The following SLC14A2 variants were observed in gnomAD, a reference collection of about 807,000 sequenced individuals.
The protein encoded by SLC14A2 is solute carrier family 14 member 2, also known as urea transporter 2.
SLC14A2 carries 91 observed loss-of-function variants against 104.6 expected under a neutral mutation model. The ratio of observed to expected loss-of-function variants is 0.87; its 90% CI spans 0.73 to 1.04. The LOEUF is 1.04. Among genes scored for constraint, SLC14A2 ranks in the 50% least tolerant of loss-of-function variants. SLC14A2 has a pLI of 0.00. For missense variants in SLC14A2, 1,189 were observed against 1,156.0 expected (o/e 1.03, Z -0.41); for synonymous variants, 476 against 466.4 (o/e 1.02, Z -0.27).
intron 1 of SLC14A2, among the ~76,000 whole-genome samples, chr18:45,316,873 C>G (rs2085134655): frequency 6.6e-6 from 1 of 152,194 alleles, no homozygotes. Context: ...TCTCTGTGCT[C>G]TCCTCCCAAG....
At chr18:45,529,482 C>G (rs2043648398) in intron 2 of SLC14A2, 1 of 132,438 alleles carries the variant, frequency 7.6e-6, no homozygotes, top group African/African-American at 3.3e-5. Flanking sequence ...TCTTCCATTT[C>G]TTTGGCACTG....
intron 1 of SLC14A2, among the ~76,000 whole-genome samples, chr18:45,239,123 C>T (rs2084285501): frequency 6.6e-6 from 1 of 152,146 alleles, no homozygotes; most frequent in Non-Finnish European, 1.5e-5. Context: ...TAGAGTAATA[C>T]CTGCTAGTGA....
At chr18:45,597,404 A>G (rs2044730703) in intron 2 of SLC14A2, among the ~76,000 whole-genome samples, 1 of 152,190 alleles carries the variant, frequency 6.6e-6, no homozygotes, top group African/African-American at 2.4e-5. Flanking sequence ...CATTCAGTAA[A>G]TATTATTTGA....
chr18:45,669,053 T>C (rs957365940), intron 15 of SLC14A2, among the ~76,000 whole-genome samples: 2 of 152,240 alleles, frequency 1.3e-5, no homozygotes, highest in Admixed American at 6.5e-5. Context: ...GATGGAGCTA[T>C]AGGATTCCTG....
At chr18:45,501,384 G>A (rs1205732129) in intron 2 of SLC14A2, among the ~76,000 whole-genome samples, 1 of 152,216 alleles carries the variant, frequency 6.6e-6, no homozygotes, top group African/African-American at 2.4e-5. Flanking sequence ...CCACTTACCA[G>A]CTTTGTGGAC....
In SLC14A2 at chr18:45,643,142, T is replaced by C. The variant is rs139897169; in HGVS notation, c.1137T>C (p.Cys379=). The change falls in exon 9 of 20, where the codon TGT becomes TGC. Residue 379 remains cysteine, a synonymous_variant. Coordinates refer to ENST00000255226, the MANE Select transcript of SLC14A2 (RefSeq NM_007163.4). ...CTTGTTCCTCCACAGCCCTGTTCTG[T>C]GCATACATGGAAGCAGCCATCTCCA... ...HLLALICALF[C]AYMEAAISNI... is the part of the protein sequence containing the mutation. 9 of 1,614,184 alleles carry C rather than the reference T, an allele frequency of 5.6e-6. No homozygotes were observed. Among genetic ancestry groups the C allele is most frequent in the Non-Finnish European group, 6.8e-6 (8 of 1,180,018 alleles).
intron 1 of SLC14A2, among the ~76,000 whole-genome samples, chr18:45,276,933 C>T (rs989304477): frequency 2.0e-5 from 3 of 152,210 alleles, no homozygotes; most frequent in Non-Finnish European, 4.4e-5. Context: ...ACCAATCTCT[C>T]TTTATTGATG....
chr18:45,421,228 C>T (rs1181324123), intron 1 of SLC14A2, among the ~76,000 whole-genome samples: 1 of 151,414 alleles, frequency 6.6e-6, no homozygotes, highest in Admixed American at 6.6e-5. Context: ...TTAGAGTTGT[C>T]CCACCCACAT....
the SLC14A2 span, among the ~76,000 whole-genome samples, chr18:45,179,334 C>T: frequency 2.6e-5 from 4 of 152,304 alleles, no homozygotes; most frequent in Admixed American, 6.5e-5. Flanking sequence ...CCCTCTCTCC[C>T]ATCAGCCCAT....
At chr18:45,288,619 A>T (rs1457779375) in intron 1 of SLC14A2, among the ~76,000 whole-genome samples, 1 of 152,192 alleles carries the variant, frequency 6.6e-6, no homozygotes, top group Non-Finnish European at 1.5e-5. Context: ...AAGATTCAGG[A>T]GGCTAAAACC....
intron 1 of SLC14A2, among the ~76,000 whole-genome samples, chr18:45,298,359 G>A (rs1412372760): frequency 1.3e-5 from 2 of 152,152 alleles, no homozygotes; most frequent in African/African-American, 4.8e-5. Context: ...TTGCTTGCTT[G>A]TTTCCCCTTT....
rs530684553 is a variant in SLC14A2 at position 45,490,039 on chromosome 18, G to A, written c.-35+6717G>A. 4 of 152,288 alleles carry A rather than the reference G, an allele frequency of 2.6e-5. No homozygotes were observed. In the South Asian group the frequency reaches 8.3e-4, roughly 32 times the overall value. 9.4% of individuals were successfully genotyped at this position (152,288 alleles called of 1,614,324 possible). A position where few individuals can be genotyped will look rare whatever the true frequency, so the allele number is the denominator to read the frequency against. On this transcript the variant is annotated intron_variant, in intron 2 of 20. Coordinates refer to the SLC14A2 transcript ENST00000586448. Reference sequence around the variant, plus strand: ...TCAAGGCTGGAAACTAGATCTTTGAGGGCAGTAGCCTTCAGAATAGGAATG... The same window carrying A: ...TCAAGGCTGGAAACTAGATCTTTGAAGGCAGTAGCCTTCAGAATAGGAATG...
At chr18:45,500,239 A>G (rs1412187871) in intron 2 of SLC14A2, among the ~76,000 whole-genome samples, 1 of 152,172 alleles carries the variant, frequency 6.6e-6, no homozygotes, top group Non-Finnish European at 1.5e-5. Context: ...TCTCTCTGGC[A>G]TGCTGGGTTG....
chr18:45,436,205 T>C (rs911532916), intron 1 of SLC14A2, among the ~76,000 whole-genome samples: 3 of 152,210 alleles, frequency 2.0e-5, no homozygotes, highest in African/African-American at 7.2e-5. Flanking sequence ...TTACGTTGTT[T>C]ATGTTAAAAA....
chr18:45,399,401 T>G (rs976729379), intron 1 of SLC14A2, among the ~76,000 whole-genome samples: 1 of 152,208 alleles, frequency 6.6e-6, no homozygotes, highest in Non-Finnish European at 1.5e-5. Context: ...TTGAAGCCAC[T>G]GCCACACTTC....
intron 1 of SLC14A2, among the ~76,000 whole-genome samples, chr18:45,426,573 CAT>C (rs1270282947): frequency 4.7e-5 from 7 of 149,194 alleles, no homozygotes; most frequent in Non-Finnish European, 8.9e-5. Flanking sequence ...TGTATACACA[CAT>C]ATATATAGTA....
chr18:45,562,505 T>C (rs2044214693), intron 2 of SLC14A2, among the ~76,000 whole-genome samples: 1 of 152,290 alleles, frequency 6.6e-6, no homozygotes, highest in East Asian at 1.9e-4. Context: ...GGAGCAAGTG[T>C]CCTGGGGCAG....
chr18:45,292,109 C>T (rs767926438), intron 1 of SLC14A2, among the ~76,000 whole-genome samples: 4 of 152,230 alleles, frequency 2.6e-5, no homozygotes, highest in East Asian at 1.9e-4. Flanking sequence ...CCTTGCAGCC[C>T]GACCTTAATC....
intron 19 of SLC14A2, among the ~76,000 whole-genome samples, chr18:45,681,555 A>C (rs1196436547): frequency 1.3e-5 from 2 of 152,208 alleles, no homozygotes; most frequent in Non-Finnish European, 1.5e-5. Flanking sequence ...CATCAAGAGA[A>C]AAAGAGCTGG....
Sources: gnomAD v4.1 joint callset for allele counts (sites outside exome capture counted in the v4.1 genomes callset) on GRCh38, gnomAD v4.1.1 for gene constraint, MANE v1.5 for transcripts, NCBI Gene and HGNC (gene_info 2026-07-23, HGNC 2026-07-21) for gene names.